CCDC18: variants seen among roughly 807,000 people sequenced by gnomAD.
The protein encoded by CCDC18 is coiled-coil domain-containing protein 18.
A neutral mutation model predicts 196.0 loss-of-function variants in CCDC18; 157 were observed. The ratio of observed to expected loss-of-function variants is 0.80; its 90% CI spans 0.70 to 0.91. The LOEUF is 0.91. Among genes scored for constraint, CCDC18 ranks in the 40% least tolerant of loss-of-function variants. The pLI, the probability that CCDC18 is intolerant of heterozygous loss-of-function variation, is 0.00. For missense variants in CCDC18, 1,465 were observed against 1,611.6 expected (o/e 0.91, Z 1.56); for synonymous variants, 482 against 529.2 (o/e 0.91, Z 1.22).
intron 27 of CCDC18, among the ~76,000 whole-genome samples, chr1:93,269,322 T>G (rs1178023398): frequency 6.6e-6 from 1 of 151,276 alleles, no homozygotes; most frequent in Non-Finnish European, 1.5e-5. Context: ...AAATCCCTAA[T>G]GTAAATGACG....
chr1:93,232,360 G>A (rs1570479050), intron 17 of CCDC18, 66 bp from the exon 18 acceptor site: 2 of 969,172 alleles, frequency 2.1e-6, no homozygotes, highest in East Asian at 5.1e-5. Context: ...GGACAGCTTT[G>A]ACATTTTATT....
At chr1:93,243,559 A>G (rs1375785895) in intron 21 of CCDC18, among the ~76,000 whole-genome samples, 5 of 152,192 alleles carry the variant, frequency 3.3e-5, no homozygotes, top group Non-Finnish European at 7.3e-5. Context: ...CTCATTACTT[A>G]TGCAAATTTC....
Position 93,270,519 on chromosome 1 carries a change from G to A in CCDC18, c.4058G>A (p.Arg1353His), listed in dbSNP as rs866633657. The stretch of plus-strand genomic sequence containing the variant: ...TTTTCCAAGTGTACAAAATTACGTC[G>A]CTCTATTAGTGCCAGTGATCTTACT... ...TSFSKCTKLR[R>H]SISASDLTFK... Residue 1353 changes from arginine (R) to histidine (H), a missense_variant, in exon 28 of 29, where the codon CGC becomes CAC. Physicochemically the swap from Arg to His is conservative, Grantham distance 29. Coordinates refer to ENST00000690025, the MANE Select transcript of CCDC18 (RefSeq NM_001378204.1). 1.6e-5 allele frequency: 25 copies of A among 1,550,200 alleles called. No homozygotes were observed. The highest frequency in any genetic ancestry group is 7.8e-5 in the Admixed American group (4 of 50,980).
intron 17 of CCDC18, among the ~76,000 whole-genome samples, chr1:93,227,228 G>A (rs1257226761): frequency 7.4e-6 from 1 of 135,718 alleles, no homozygotes; most frequent in Non-Finnish European, 1.5e-5. Flanking sequence ...GCCCAGGCTC[G>A]GCTCACTGCA....
intron 10 of CCDC18, 63 bp from the exon 11 acceptor site, chr1:93,212,038 T>TC: frequency 7.4e-7 from 1 of 1,358,638 alleles, no homozygotes; most frequent in Non-Finnish European, 1.0e-6. Context: ...TGAAAAATAG[T>TC]ACAGTATGAG....
intron 25 of CCDC18, 132 bp downstream of exon 25, chr1:93,256,670 G>A (rs189963758): frequency 3.0e-4 from 215 of 719,772 alleles, no homozygotes; most frequent in Middle Eastern, 8.1e-4. Context: ...TAATCCCACC[G>A]AATTATACAC....
At chr1:93,217,567 A>G (rs932586552) in intron 13 of CCDC18, among the ~76,000 whole-genome samples, 171 bp from the exon 14 acceptor site, 7 of 152,090 alleles carry the variant, frequency 4.6e-5, no homozygotes, top group Non-Finnish European at 8.8e-5. Flanking sequence ...CCCAGAAGCT[A>G]TGACCACAGG....
At chr1:93,252,002 T>A (rs1199663792) in intron 23 of CCDC18, among the ~76,000 whole-genome samples, 1 of 136,922 alleles carries the variant, frequency 7.3e-6, no homozygotes, top group African/African-American at 3.4e-5. Flanking sequence ...GTAGTCTATT[T>A]ATCTATCTAT....
At chr1:93,241,051 GT>G (rs1660709688) in intron 21 of CCDC18, among the ~76,000 whole-genome samples, 1 of 151,960 alleles carries the variant, frequency 6.6e-6, no homozygotes, top group Non-Finnish European at 1.5e-5. Flanking sequence ...TCCACCTCCT[GT>G]TCAAGCAATT....
Position 93,214,889 on chromosome 1 carries a change from C to A in CCDC18, c.1642C>A (p.His548Asn), listed in dbSNP as rs779317630. The change falls in exon 12 of 29, where the codon CAC (histidine) becomes AAC (asparagine). Residue 548 changes from histidine to asparagine, a missense_variant. By Grantham distance (68) the His-to-Asn change is moderately conservative. Transcript: ENST00000690025. ...ENSDLKVNMA[H>N]RTSQFQLIQE... ...TTCTGATTTGAAGGTTAACATGGCT[C>A]ACAGAACTAGTCAGTTTCAGCTGAT... The A allele has an allele frequency of 6.2e-7, 1 of 1,613,338 alleles. No homozygotes were observed. The highest frequency in any genetic ancestry group is 8.5e-7 in the Non-Finnish European group (1 of 1,179,618).
chr1:93,240,884 A>G (rs1660680894), intron 21 of CCDC18, among the ~76,000 whole-genome samples: 2 of 152,206 alleles, frequency 1.3e-5, no homozygotes, highest in South Asian at 2.1e-4. Context: ...CCACAAATAT[A>G]TAAGATTTTT....
intron 28 of CCDC18, among the ~76,000 whole-genome samples, chr1:93,276,781 G>A (rs1040763566): frequency 4.6e-5 from 7 of 151,784 alleles, no homozygotes; most frequent in Admixed American, 4.6e-4. Context: ...GCAAATAATT[G>A]TGTAGGGGTG....
At chr1:93,212,023 A>G (rs1655729661) in intron 10 of CCDC18, 78 bp from the exon 11 acceptor site, 1 of 1,242,126 alleles carries the variant, frequency 8.1e-7, no homozygotes, top group African/African-American at 1.6e-5. Flanking sequence ...AATCAACTTG[A>G]AAGGTGAAAA....
chr1:93,182,739 T>C (rs1379342502), intron 1 of CCDC18, among the ~76,000 whole-genome samples: 1 of 152,196 alleles, frequency 6.6e-6, no homozygotes, highest in Non-Finnish European at 1.5e-5. Flanking sequence ...GGTTGTGACT[T>C]GTAAATGTGT....
intron 21 of CCDC18, among the ~76,000 whole-genome samples, chr1:93,244,932 G>A (rs1171314814): frequency 1.3e-5 from 2 of 152,060 alleles, no homozygotes; most frequent in Non-Finnish European, 2.9e-5. Context: ...CATTACTTCA[G>A]AGAGAAGCCT....
At chr1:93,180,452 C>T, upstream of CCDC18, 5 of 1,390,126 alleles carry the variant, frequency 3.6e-6, no homozygotes, top group South Asian at 6.4e-5. Flanking sequence ...CAGTCCTATT[C>T]CGCAACCGCC....
In CCDC18 at chr1:93,258,793, G is replaced by A; in HGVS notation, c.3592G>A (p.Val1198Ile). The change falls in exon 26 of 29, where the codon GTA becomes ATA. Residue 1198 changes from valine to isoleucine, a missense_variant. By Grantham distance (29) the Val-to-Ile change is conservative. Coordinates refer to ENST00000690025, the MANE Select transcript of CCDC18 (RefSeq NM_001378204.1). ...AGCTGAAGAACTGGGGGCTTCTAAA[G>A]TACGTGAAGCTCATTTAGAAGCAAG... Reference protein sequence around the residue: ...HLAEELGASKVREAHLEARMQ... With the variant: ...HLAEELGASKIREAHLEARMQ... The A allele has an allele frequency of 6.3e-7, 1 of 1,591,040 alleles. No homozygotes were observed. Among genetic ancestry groups the A allele is most frequent in the Non-Finnish European group, 8.6e-7 (1 of 1,169,196 alleles).
chr1:93,210,921 A>C lies in CCDC18; in HGVS notation c.1329A>C (p.Glu443Asp), dbSNP rs76148185. Residue 443 changes from glutamate (E) to aspartate (D), a missense_variant, in exon 10 of 29, where the codon GAA (glutamate) becomes GAC (aspartate). By Grantham distance (45) the Glu-to-Asp change is conservative (BLOSUM62 2). Transcript: ENST00000690025. ...CCEANKLVIS[E>D]LRIKLAIKEA... ...AGGCAAATAAATTGGTGATTTCGGA[A>C]TTGAGGTACAATTTTCAGATTCTGC... 42,148 of 1,613,338 alleles carry C rather than the reference A, an allele frequency of 0.026. 681 individuals are homozygous for C. The highest frequency in any genetic ancestry group is 0.032 in the Non-Finnish European group (37,438 of 1,179,530).
chr1:93,269,716 T>C (rs1401143852), intron 27 of CCDC18: 1 of 152,154 alleles, frequency 6.6e-6, no homozygotes, highest in East Asian at 1.9e-4. Flanking sequence ...ATATCATCTC[T>C]TTTTTTAGGC....
Sources: gnomAD v4.1 joint callset for allele counts (sites outside exome capture counted in the v4.1 genomes callset) on GRCh38, gnomAD v4.1.1 for gene constraint, MANE v1.5 for transcripts, NCBI Gene and HGNC (gene_info 2026-07-23, HGNC 2026-07-21) for gene names.